The following RCAN1 variants were observed in gnomAD, a reference collection of about 807,000 sequenced individuals.
The protein encoded by RCAN1 is calcipressin-1.
Under a neutral mutation model 22.9 loss-of-function variants are expected in RCAN1, and 11 were observed. The observed-to-expected ratio is 0.48, with a 90% CI of 0.30 to 0.79. The LOEUF (loss-of-function observed/expected upper bound fraction) is 0.79. RCAN1 is among the 30% of genes least tolerant of loss of function. The probability of loss-of-function intolerance (pLI) is 0.06; values close to 1 mark genes in which losing one functional copy is unlikely to be tolerated. For synonymous variants in RCAN1, 136 were observed against 142.3 expected, an observed-to-expected ratio of 0.96 and a Z score of 0.32; for missense variants, 291 against 337.8, an observed-to-expected ratio of 0.86 and a Z score of 1.09.
chr21:34,599,399 G>A lies in RCAN1; in HGVS notation c.252+15361C>T, dbSNP rs1247791400. Among the ~76,000 whole-genome samples the A allele has an allele frequency of 7.2e-5, 11 of 152,198 alleles. No individual in the cohort carries two copies. In the East Asian group the frequency reaches 1.9e-3, roughly 27 times the overall value. Reference sequence around the variant, plus strand: ...TGAGGCAGGAGAATCATTTGAACCCGGGAGGTGGAGGTTGCAGTGAGCCGA... The same window carrying A: ...TGAGGCAGGAGAATCATTTGAACCCAGGAGGTGGAGGTTGCAGTGAGCCGA... On this transcript the variant is annotated intron_variant, in intron 1 of 3. Transcript: ENST00000313806.
At position 34,533,226 on chromosome 21, in the gene RCAN1, C is replaced by T. The variant is rs192663523; in HGVS notation, c.253-9516G>A. 2.9e-3 allele frequency among the ~76,000 whole-genome samples: 445 copies of T among 152,284 alleles called. 1 individual carries two copies. The highest frequency in any genetic ancestry group is 0.01 in the African/African-American group (436 of 41,556). ...CTGCCTGCGTTGGCCTCCCAAAGTG[C>T]TGGGATTACAGGCGTGAGCCACCGC... On this transcript the variant is annotated intron_variant, in intron 1 of 3. Coordinates refer to ENST00000313806, the MANE Select transcript of RCAN1 (RefSeq NM_004414.7).
At chr21:34,576,466 G>A (rs1422618761) in intron 1 of RCAN1, among the ~76,000 whole-genome samples, 2 of 152,204 alleles carry the variant, frequency 1.3e-5, no homozygotes, top group Non-Finnish European at 2.9e-5. Context: ...AGTGTGGGGT[G>A]GGTGGCTGTG....
chr21:34,546,660 A>G (rs1432864621), intron 1 of RCAN1, among the ~76,000 whole-genome samples: 1 of 152,204 alleles, frequency 6.6e-6, no homozygotes, highest in Non-Finnish European at 1.5e-5. Context: ...ATGAGTCTCC[A>G]ACTCAGAGGG....
At chr21:34,525,127 G>C (rs780964151) in intron 1 of RCAN1, 1 of 1,550,584 alleles carries the variant, frequency 6.4e-7, no homozygotes, top group Non-Finnish European at 8.7e-7. Flanking sequence ...TCTGCAGTGG[G>C]AGCGAGGATT....
At chr21:34,544,276 G>A (rs901390688) in intron 1 of RCAN1, among the ~76,000 whole-genome samples, 4 of 152,174 alleles carry the variant, frequency 2.6e-5, no homozygotes, top group African/African-American at 7.2e-5. Context: ...AAAAGGGACC[G>A]GGTTCTTTCT....
intron 1 of RCAN1, among the ~76,000 whole-genome samples, chr21:34,601,754 C>G (rs969436625): frequency 2.0e-5 from 3 of 147,936 alleles, no homozygotes; most frequent in East Asian, 4.1e-4. Context: ...GGAGGCGGAG[C>G]TTGCAGTGAG....
intron 1 of RCAN1, among the ~76,000 whole-genome samples, chr21:34,529,973 G>A (rs968747592): frequency 2.6e-5 from 4 of 152,204 alleles, no homozygotes; most frequent in Non-Finnish European, 4.4e-5. Context: ...CGCCATGTAA[G>A]AAGTGTCTTT....
intron 1 of RCAN1, among the ~76,000 whole-genome samples, chr21:34,584,214 TC>T (rs2123701740): frequency 6.6e-6 from 1 of 152,246 alleles, no homozygotes; most frequent in African/African-American, 2.4e-5. Flanking sequence ...TTAATATCCC[TC>T]CCTGGCCCTC....
At chr21:34,525,388 G>T (rs576208197) in intron 1 of RCAN1, 1 of 1,448,034 alleles carries the variant, frequency 6.9e-7, no homozygotes, top group Admixed American at 2.6e-5. Flanking sequence ...GCGAAGGAAC[G>T]CGGAGCTGGC....
At chr21:34,580,222 C>T (rs552982469) in intron 1 of RCAN1, among the ~76,000 whole-genome samples, 4 of 152,216 alleles carry the variant, frequency 2.6e-5, no homozygotes, top group African/African-American at 4.8e-5. Context: ...TATCTACCCC[C>T]GGGTATGCTA....
At chr21:34,522,862 G>A (rs1227828023) in intron 2 of RCAN1, 1 of 152,224 alleles carries the variant, frequency 6.6e-6, no homozygotes. Flanking sequence ...AACTCTGGGA[G>A]CTGCCTTGAA....
chr21:34,536,412 G>A (rs917807883), intron 1 of RCAN1, among the ~76,000 whole-genome samples: 2 of 152,224 alleles, frequency 1.3e-5, no homozygotes, highest in Non-Finnish European at 2.9e-5. Context: ...CCAGGAGTGG[G>A]CTGGCTGTGG....
chr21:34,609,740 G>A (rs1988634096), intron 1 of RCAN1, among the ~76,000 whole-genome samples: 1 of 152,200 alleles, frequency 6.6e-6, no homozygotes, highest in Non-Finnish European at 1.5e-5. Flanking sequence ...GAAGGTGACA[G>A]CAGATTGAGC....
At chr21:34,552,003 G>A (rs544476192) in intron 1 of RCAN1, among the ~76,000 whole-genome samples, 7 of 152,270 alleles carry the variant, frequency 4.6e-5, no homozygotes, top group African/African-American at 1.7e-4. Flanking sequence ...AAGATACAAG[G>A]TGGAAAGGCC....
intron 1 of RCAN1, among the ~76,000 whole-genome samples, chr21:34,582,372 G>A (rs1987642932): frequency 6.6e-6 from 1 of 152,116 alleles, no homozygotes; most frequent in Admixed American, 6.6e-5. Context: ...CAGATGGTCT[G>A]GGGTGGGGGG....
chr21:34,529,808 C>T (rs1190221912), intron 1 of RCAN1, among the ~76,000 whole-genome samples: 2 of 152,162 alleles, frequency 1.3e-5, no homozygotes, highest in Non-Finnish European at 2.9e-5. Flanking sequence ...TCCCAGAATT[C>T]CCACATATTG....
chr21:34,521,436 C>A (rs1452702402), intron 3 of RCAN1, 63 bp downstream of exon 3: 4 of 1,611,262 alleles, frequency 2.5e-6, no homozygotes, highest in Non-Finnish European at 3.4e-6. Flanking sequence ...TGGTACTGCT[C>A]CCTGGTGCAG....
At chr21:34,524,145 G>A (rs1191964471) in intron 1 of RCAN1, 1 of 155,424 alleles carries the variant, frequency 6.4e-6, no homozygotes, top group Non-Finnish European at 1.4e-5. Context: ...TTCTTTCTTA[G>A]AGAAAAGCCT....
At chr21:34,561,637 A>G (rs930573242) in intron 1 of RCAN1, among the ~76,000 whole-genome samples, 9 of 152,208 alleles carry the variant, frequency 5.9e-5, no homozygotes, top group African/African-American at 2.2e-4. Context: ...CACTTTCTGG[A>G]AAGTGTTGAC....
Sources: gnomAD v4.1 joint callset for allele counts (sites outside exome capture counted in the v4.1 genomes callset) on GRCh38, gnomAD v4.1.1 for gene constraint, MANE v1.5 for transcripts, NCBI Gene and HGNC (gene_info 2026-07-23, HGNC 2026-07-21) for gene names.